Variants in KBTBD12 observed in about 807,000 individuals in gnomAD.
The protein encoded by KBTBD12 is kelch repeat and BTB domain containing 12, also known as kelch repeat and BTB domain-containing protein 12.
In KBTBD12, 53 loss-of-function variants were observed where a neutral mutation model predicts 58.7. The observed-to-expected ratio is 0.90, with a 90% confidence interval of 0.72 to 1.14. The LOEUF (loss-of-function observed/expected upper bound fraction) is 1.14. KBTBD12 is among the 50% of genes most tolerant of loss of function. The probability of loss-of-function intolerance (pLI) is 0.00; values close to 1 mark genes in which losing one functional copy is unlikely to be tolerated. For synonymous variants in KBTBD12, 236 were observed against 259.8 expected (o/e 0.91, Z 0.88); for missense variants, 704 against 751.3 (o/e 0.94, Z 0.74).
At chr3:127,971,900 C>T (rs994746166) in intron 5 of KBTBD12, among the ~76,000 whole-genome samples, 1 of 152,212 alleles carries the variant, frequency 6.6e-6, no homozygotes, top group African/African-American at 2.4e-5. Flanking sequence ...ATGCTCTCTA[C>T]CTCCTCCATC....
chr3:127,955,774 A>G (rs992014637), intron 4 of KBTBD12, among the ~76,000 whole-genome samples: 1 of 152,236 alleles, frequency 6.6e-6, no homozygotes, highest in Non-Finnish European at 1.5e-5. Context: ...TGCTAAGCAT[A>G]TGTTACATAA....
At chr3:127,964,640 CAA>C (rs34230294) in intron 5 of KBTBD12, among the ~76,000 whole-genome samples, 76 of 111,092 alleles carry the variant, frequency 6.8e-4, no homozygotes, top group Non-Finnish European at 7.4e-4. Flanking sequence ...GACTCCATCT[CAA>C]AAAAAAAAAA....
At chr3:127,940,887 G>C (rs1939937353) in intron 4 of KBTBD12, among the ~76,000 whole-genome samples, 1 of 152,056 alleles carries the variant, frequency 6.6e-6, no homozygotes, top group South Asian at 2.1e-4. Context: ...TACAGTCTCT[G>C]AAAATATTAA....
chr3:127,982,206 A>G (rs1049825208), intron 5 of KBTBD12, among the ~76,000 whole-genome samples: 9 of 152,212 alleles, frequency 5.9e-5, no homozygotes, highest in Non-Finnish European at 1.2e-4. Context: ...GTATATTGTA[A>G]AGATTTTAAA....
chr3:127,933,564 G>A (rs1939757741), intron 4 of KBTBD12, among the ~76,000 whole-genome samples: 1 of 152,204 alleles, frequency 6.6e-6, no homozygotes, highest in African/African-American at 2.4e-5. Flanking sequence ...AACATGCAGC[G>A]CCATAGACAG....
chr3:127,922,374 T>C (rs1404035445), intron 1 of KBTBD12, among the ~76,000 whole-genome samples: 2 of 152,170 alleles, frequency 1.3e-5, no homozygotes, highest in African/African-American at 4.8e-5. Flanking sequence ...CAAAGCCCAG[T>C]AGATATAATC....
chr3:127,953,655 T>G (rs1940257825), intron 4 of KBTBD12, among the ~76,000 whole-genome samples: 1 of 152,204 alleles, frequency 6.6e-6, no homozygotes, highest in South Asian at 2.1e-4. Context: ...ACAGATACCA[T>G]GAATAATTTG....
intron 5 of KBTBD12, among the ~76,000 whole-genome samples, chr3:127,978,645 C>G (rs993615894): frequency 6.6e-6 from 1 of 152,168 alleles, no homozygotes; most frequent in African/African-American, 2.4e-5. Flanking sequence ...ACCCCACCCC[C>G]TTCCCAAGCT....
At chr3:127,941,537 C>A (rs918544170) in intron 4 of KBTBD12, among the ~76,000 whole-genome samples, 3 of 152,174 alleles carry the variant, frequency 2.0e-5, no homozygotes, top group Admixed American at 6.5e-5. Context: ...ACCTCTCAAT[C>A]TGATAAAAGA....
chr3:127,939,466 T>C (rs1202215397), intron 4 of KBTBD12, among the ~76,000 whole-genome samples: 1 of 152,104 alleles, frequency 6.6e-6, no homozygotes, highest in African/African-American at 2.4e-5. Context: ...GAGACATATA[T>C]TTACAAAGCA....
chr3:127,924,188 G>A, intron 2 of KBTBD12, 57 bp downstream of exon 2: 1 of 1,134,962 alleles, frequency 8.8e-7, no homozygotes, highest in Non-Finnish European at 1.3e-6. Flanking sequence ...AGCAGCAGTA[G>A]AAGAAAGAAC....
chr3:127,964,010 A>C (rs1940509075), intron 5 of KBTBD12, among the ~76,000 whole-genome samples: 1 of 152,158 alleles, frequency 6.6e-6, no homozygotes, highest in African/African-American at 2.4e-5. Flanking sequence ...CATATATCTA[A>C]TTGTACCATC....
chr3:127,980,422 T>C (rs1353985078), intron 5 of KBTBD12, among the ~76,000 whole-genome samples: 1 of 152,182 alleles, frequency 6.6e-6, no homozygotes, highest in Non-Finnish European at 1.5e-5. Context: ...CTCTACCTCC[T>C]GGGTTCAAGT....
Position 127,923,302 on chromosome 3 carries a change from A to C in KBTBD12, c.241A>C (p.Ser81Arg). The C allele has an allele frequency of 6.2e-7, 1 of 1,613,834 alleles. No individual in the cohort carries two copies. Among genetic ancestry groups the C allele is most frequent in the African/African-American group, 1.3e-5 (1 of 75,044 alleles). Residue 81 changes from serine to arginine, a missense_variant, in exon 2 of 6, where the codon AGT becomes CGT. Coordinates refer to ENST00000405109, the MANE Select transcript of KBTBD12 (RefSeq NM_207335.4). ...EVILYDITAE[S>R]VSVLLNYMYN... ...CATACTTTATGACATCACAGCAGAA[A>C]GTGTGTCGGTGTTATTAAATTACAT... is the stretch of plus-strand genomic sequence containing the variant.
At chr3:127,957,155 C>G (rs187840420) in intron 4 of KBTBD12, among the ~76,000 whole-genome samples, 2 of 152,202 alleles carry the variant, frequency 1.3e-5, no homozygotes, top group African/African-American at 4.8e-5. Context: ...CTCCCTTCCT[C>G]TGCCATTTCT....
intron 4 of KBTBD12, among the ~76,000 whole-genome samples, chr3:127,948,086 A>C (rs762474096): frequency 6.6e-6 from 1 of 152,236 alleles, no homozygotes; most frequent in Non-Finnish European, 1.5e-5. Context: ...TTGTTTTATA[A>C]TTTTACAAAG....
At chr3:127,924,449 T>TC (rs1939516468) in intron 2 of KBTBD12, among the ~76,000 whole-genome samples, 1 of 150,824 alleles carries the variant, frequency 6.6e-6, no homozygotes, top group East Asian at 1.9e-4. Context: ...TAAAATTTTT[T>TC]CTCTTCCTTT....
chr3:127,957,858 T>C (rs1940349819), intron 4 of KBTBD12, among the ~76,000 whole-genome samples: 1 of 152,132 alleles, frequency 6.6e-6, no homozygotes, highest in Admixed American at 6.6e-5. Context: ...TAGAGCAATG[T>C]ATTTTCATAG....
At chr3:127,961,935 T>C (rs766005814) in intron 4 of KBTBD12, among the ~76,000 whole-genome samples, 1 of 152,224 alleles carries the variant, frequency 6.6e-6, no homozygotes, top group Non-Finnish European at 1.5e-5. Context: ...ATACATATAG[T>C]AAAAGCCATG....
Sources: gnomAD v4.1 joint callset for allele counts (sites outside exome capture counted in the v4.1 genomes callset) on GRCh38, gnomAD v4.1.1 for gene constraint, MANE v1.5 for transcripts, NCBI Gene and HGNC (gene_info 2026-07-23, HGNC 2026-07-21) for gene names.